Variants in RP1L1 observed in about 807,000 individuals in gnomAD.
RP1L1 encodes retinitis pigmentosa 1-like 1 protein.
Under a neutral mutation model 15.7 loss-of-function variants are expected in RP1L1, and 27 were observed. That is an observed-to-expected ratio of 1.72 (90% CI 1.27 to 2.38). RP1L1 has a LOEUF of 2.38. Ranked by LOEUF, RP1L1 falls within the 30% of genes most tolerant of loss-of-function variation. RP1L1 has a pLI of 0.00. For missense variants in RP1L1, 4,798 were observed against 3,075.9 expected (o/e 1.56, Z -13.24); for synonymous variants, 1,813 against 1,276.7 (o/e 1.42, Z -8.96).
At chr8:10,623,992 G>A (rs368423622) in intron 1 of RP1L1, among the ~76,000 whole-genome samples, 14 of 151,676 alleles carry the variant, frequency 9.2e-5, no homozygotes, top group African/African-American at 1.7e-4. Flanking sequence ...CATGTCCCCG[G>A]CATCACCATG....
chr8:10,646,298 T>C (rs1167884447), intron 1 of RP1L1, among the ~76,000 whole-genome samples: 1 of 152,114 alleles, frequency 6.6e-6, no homozygotes, highest in Non-Finnish European at 1.5e-5. Context: ...TTAAACTACC[T>C]AGAGTCATGC....
chr8:10,609,809 T>G lies in RP1L1; in HGVS notation c.4289A>C (p.Glu1430Ala). 6.2e-7 allele frequency: 1 copy of G among 1,614,038 alleles called. No individual in the cohort carries two copies. Among genetic ancestry groups the G allele is most frequent in the Admixed American group, 1.7e-5 (1 of 60,020 alleles). The change falls in exon 4 of 4, where the codon GAG becomes GCG. Residue 1430 changes from glutamate to alanine, a missense_variant. Glu to Ala is a moderately radical substitution (Grantham distance 107, BLOSUM62 -1). Coordinates refer to ENST00000382483, the MANE Select transcript of RP1L1 (RefSeq NM_178857.6). Reference sequence around the variant, plus strand: ...AGAGGCAGAGGCTCTTCCTGCTTCCTCCTCCTGGACTGGGTCATCTTCCTG... The same window carrying G: ...AGAGGCAGAGGCTCTTCCTGCTTCCGCCTCCTGGACTGGGTCATCTTCCTG... ...GSQEDDPVQE[E>A]EAGRASASAE...
intron 1 of RP1L1, among the ~76,000 whole-genome samples, chr8:10,633,111 G>T (rs1438523315): frequency 6.6e-6 from 1 of 152,196 alleles, no homozygotes; most frequent in South Asian, 2.1e-4. Context: ...GGAGACGGCA[G>T]CAGCGATGAC....
Position 10,611,217 on chromosome 8 carries a change from G to A in RP1L1, c.2881C>T (p.Leu961=). The change falls in exon 4 of 4, where the codon CTG becomes TTG. Residue 961 remains leucine (L), a synonymous_variant. Transcript: ENST00000382483. ...ATGGGCTCTTCTGGAATGTTGTCCAGCCATTCGCGGACCACAGCCTCTGGA... is the reference window on the plus strand; with the variant it reads ...ATGGGCTCTTCTGGAATGTTGTCCAACCATTCGCGGACCACAGCCTCTGGA... The part of the protein sequence containing the change: ...SSPEAVVREW[L]DNIPEEPILM... 6.2e-7 allele frequency: 1 copy of A among 1,612,974 alleles called. No individual in the cohort carries two copies. The highest frequency in any genetic ancestry group is 8.5e-7 in the Non-Finnish European group (1 of 1,180,030).
Position 10,612,306 on chromosome 8 carries a change from T to C in RP1L1, c.1792A>G (p.Thr598Ala). The C allele has an allele frequency of 6.2e-7, 1 of 1,613,244 alleles. No homozygotes were observed. The highest frequency in any genetic ancestry group is 1.7e-5 in the Admixed American group (1 of 60,036). Residue 598 changes from threonine to alanine, a missense_variant, in exon 4 of 4, where the codon ACC becomes GCC. Thr to Ala is a moderately conservative substitution (Grantham distance 58, BLOSUM62 0). Coordinates refer to ENST00000382483, the MANE Select transcript of RP1L1 (RefSeq NM_178857.6). The part of the protein sequence containing the change: ...DLQAETQGQG[T>A]EQATGAAVTR... The stretch of plus-strand genomic sequence containing the variant: ...ACAGCCGCTCCCGTGGCCTGCTCGG[T>C]GCCCTGTCCTTGCGTCTCTGCCTGC...
chr8:10,610,511 G>A lies in RP1L1; in HGVS notation c.3587C>T (p.Thr1196Ile), dbSNP rs1238435363. The part of the protein sequence containing the change: ...SHAMTENFTP[T>I]SSSGVDISSG... The stretch of plus-strand genomic sequence containing the variant: ...GCTGATGTCCACACCAGAGGAGGAT[G>A]TGGGCGTGAAGTTCTCCGTCATGGC... Residue 1196 changes from threonine (T) to isoleucine (I), a missense_variant, in exon 4 of 4, where the codon ACA becomes ATA. By Grantham distance (89) the Thr-to-Ile change is moderately conservative. Coordinates refer to ENST00000382483, the MANE Select transcript of RP1L1 (RefSeq NM_178857.6). 3 of 1,613,708 alleles carry A rather than the reference G, an allele frequency of 1.9e-6. No individual in the cohort carries two copies. The highest frequency in any genetic ancestry group is 2.5e-6 in the Non-Finnish European group (3 of 1,180,038).
intron 2 of RP1L1, chr8:10,621,541 A>C (rs953729490): frequency 2.8e-6 from 1 of 354,848 alleles, no homozygotes; most frequent in East Asian, 8.1e-5. Flanking sequence ...GGCCAGGCTG[A>C]TCTCGAACTC....
In RP1L1 at chr8:10,611,186, A is replaced by T. The variant is rs772817850; in HGVS notation, c.2912T>A (p.Met971Lys). 1 of 1,612,870 alleles carries T rather than the reference A, an allele frequency of 6.2e-7. No homozygotes were observed. The highest frequency in any genetic ancestry group is 1.7e-4 in the Middle Eastern group (1 of 6,060). The change falls in exon 4 of 4, where the codon ATG becomes AAG. Residue 971 changes from methionine (M) to lysine (K), a missense_variant. By Grantham distance (95) the Met-to-Lys change is moderately conservative. Coordinates refer to ENST00000382483, the MANE Select transcript of RP1L1 (RefSeq NM_178857.6). ...GGTCTCGTCCGCCAACTCATATGTC[A>T]TGAGTATGGGCTCTTCTGGAATGTT... is the stretch of plus-strand genomic sequence containing the variant. ...LDNIPEEPIL[M>K]TYELADETTG...
intron 1 of RP1L1, among the ~76,000 whole-genome samples, chr8:10,636,986 G>A (rs748534246): frequency 6.6e-6 from 1 of 152,184 alleles, no homozygotes; most frequent in Non-Finnish European, 1.5e-5. Flanking sequence ...CTGACAGCAG[G>A]GCTCTACGTG....
intron 1 of RP1L1, among the ~76,000 whole-genome samples, chr8:10,644,102 T>C (rs572729043): frequency 3.8e-4 from 58 of 152,136 alleles, no homozygotes; most frequent in Middle Eastern, 3.4e-3. Flanking sequence ...ATTCTACCTC[T>C]TTTGAAAGCT....
At chr8:10,620,672 A>T (rs1336226583) in intron 2 of RP1L1, among the ~76,000 whole-genome samples, 1 of 152,206 alleles carries the variant, frequency 6.6e-6, no homozygotes, top group Non-Finnish European at 1.5e-5. Context: ...CCTTGGCCAT[A>T]CAAGGCTTCT....
At chr8:10,632,752 G>A (rs958645933) in intron 1 of RP1L1, among the ~76,000 whole-genome samples, 3 of 152,152 alleles carry the variant, frequency 2.0e-5, no homozygotes, top group African/African-American at 7.2e-5. Flanking sequence ...CCAACACAGG[G>A]GTCCCCTCAT....
At chr8:10,625,980 C>G (rs1267584922) in intron 1 of RP1L1, among the ~76,000 whole-genome samples, 1 of 151,756 alleles carries the variant, frequency 6.6e-6, no homozygotes, top group Non-Finnish European at 1.5e-5. Flanking sequence ...GGAAGGAAAG[C>G]AGAGGCCTTC....
intron 1 of RP1L1, among the ~76,000 whole-genome samples, chr8:10,653,324 G>C (rs991196924): frequency 6.6e-6 from 1 of 152,170 alleles, no homozygotes; most frequent in Admixed American, 6.5e-5. Context: ...GGCTTGTTTA[G>C]TCCAGACCCC....
intron 1 of RP1L1, among the ~76,000 whole-genome samples, chr8:10,650,647 A>G (rs1037284969): frequency 1.3e-5 from 2 of 150,436 alleles, no homozygotes; most frequent in African/African-American, 4.9e-5. Flanking sequence ...AACCTCTGCC[A>G]CCCAGGGTTC....
Position 10,606,722 on chromosome 8 carries a change from G to A in RP1L1, c.*173C>T, listed in dbSNP as rs1040855634. The A allele has an allele frequency of 1.6e-4, 173 of 1,109,596 alleles. No homozygotes were observed. Among genetic ancestry groups the A allele is most frequent in the Middle Eastern group, 3.0e-4 (1 of 3,320 alleles). 68.7% of individuals were successfully genotyped at this position (1,109,596 alleles called of 1,614,324 possible). ...GGCCGCAGAGCTCTCTGACACTTCTGGACTTAAGAGTCCCAGGACAGCATG... is the reference window on the plus strand; with the variant it reads ...GGCCGCAGAGCTCTCTGACACTTCTAGACTTAAGAGTCCCAGGACAGCATG... On this transcript the variant is annotated 3_prime_UTR_variant, in exon 4 of 4. Transcript: ENST00000382483.
chr8:10,618,700 A>C (rs1435195733), intron 2 of RP1L1, among the ~76,000 whole-genome samples: 1 of 152,194 alleles, frequency 6.6e-6, no homozygotes, highest in East Asian at 1.9e-4. Flanking sequence ...TCAAACATTA[A>C]TAATAGTAAT....
At chr8:10,639,141 C>CAA (rs1273243466) in intron 1 of RP1L1, among the ~76,000 whole-genome samples, 1 of 126,764 alleles carries the variant, frequency 7.9e-6, no homozygotes, top group Non-Finnish European at 1.7e-5. Context: ...GAGACTGTCT[C>CAA]AAAAAAAAAA....
chr8:10,616,006 G>A (rs774422163), intron 3 of RP1L1, among the ~76,000 whole-genome samples: 1 of 151,924 alleles, frequency 6.6e-6, no homozygotes, highest in African/African-American at 2.4e-5. Context: ...CTAGGCTCAA[G>A]GGATCCTCCC....
Sources: allele counts gnomAD v4.1 joint callset (sites outside exome capture counted in the v4.1 genomes callset), GRCh38; gene constraint gnomAD v4.1.1; transcripts MANE v1.5; gene names NCBI Gene and HGNC (gene_info 2026-07-23, HGNC 2026-07-21).